The following VAT1L variants were observed in gnomAD, a reference collection of about 807,000 sequenced individuals.
VAT1L encodes putative NADPH-dependent quinone oxidoreductase VAT1L.
A neutral mutation model predicts 44.1 loss-of-function variants in VAT1L; 34 were observed. The observed-to-expected ratio is 0.77, with a 90% CI of 0.59 to 1.03. The LOEUF is 1.03. VAT1L is among the 50% of genes least tolerant of loss of function. VAT1L has a pLI of 0.00. For synonymous variants in VAT1L, 253 were observed against 202.2 expected (o/e 1.25, Z -2.13); for missense variants, 615 against 538.8 (o/e 1.14, Z -1.40).
intron 4 of VAT1L, among the ~76,000 whole-genome samples, chr16:77,870,107 C>T (rs2017015301): frequency 1.3e-5 from 2 of 152,206 alleles, no homozygotes; most frequent in Non-Finnish European, 2.9e-5. Flanking sequence ...ACCAAGAAGC[C>T]TACCACACAT....
chr16:77,974,738 T>A (rs1036536950), intron 8 of VAT1L, among the ~76,000 whole-genome samples: 4 of 152,064 alleles, frequency 2.6e-5, no homozygotes, highest in African/African-American at 9.7e-5. Context: ...AATTTTTTTT[T>A]TATTATTTTT....
rs550164926 is a variant in VAT1L, at chr16:77,920,154, C to G, written c.1077+35352C>G. ...TCCAGAAGGAAAAGCAAAGTGATTG[C>G]TGTAAGGATTGCACAGAGCTGCCAA... is the stretch of plus-strand genomic sequence containing the variant. On this transcript the variant is annotated intron_variant, in intron 7 of 8. Coordinates refer to ENST00000302536, the MANE Select transcript of VAT1L (RefSeq NM_020927.3). 2.0e-5 allele frequency among the ~76,000 whole-genome samples: 3 copies of G among 152,314 alleles called. No homozygotes were observed. The East Asian group carries it at 5.8e-4, about 29-fold the overall frequency.
chr16:77,920,151 T>A (rs1034036142), intron 7 of VAT1L, among the ~76,000 whole-genome samples: 1 of 152,156 alleles, frequency 6.6e-6, no homozygotes, highest in African/African-American at 2.4e-5. Flanking sequence ...AGCAAAGTGA[T>A]TGCTGTAAGG....
chr16:77,876,345 T>G, intron 4 of VAT1L, 25 bp from the exon 5 acceptor site: 1 of 1,605,814 alleles, frequency 6.2e-7, no homozygotes, highest in Admixed American at 1.7e-5. Flanking sequence ...GTCACAGAAT[T>G]TTGCTTTGCC....
Position 77,979,308 on chromosome 16 carries a change from G to T in VAT1L, c.*1613G>T, listed in dbSNP as rs2018374388. The stretch of plus-strand genomic sequence containing the variant: ...AGGGTGCTTTCATCTGAGGAACCAA[G>T]GGGTGAGAGTATCCCAAAGGAGGAC... On this transcript the variant is annotated 3_prime_UTR_variant, in exon 9 of 9. Coordinates refer to ENST00000302536, the MANE Select transcript of VAT1L (RefSeq NM_020927.3). 1.3e-5 allele frequency: 2 copies of T among 152,496 alleles called. No individual in the cohort carries two copies. Among genetic ancestry groups the T allele is most frequent in the Middle Eastern group, 3.4e-3 (1 of 294 alleles). The allele number at this position is 152,496 out of a possible 1,614,324, so 9.4% of individuals were successfully genotyped here.
chr16:77,912,394 T>C (rs1567506410), intron 7 of VAT1L, among the ~76,000 whole-genome samples: 1 of 151,734 alleles, frequency 6.6e-6, no homozygotes, highest in South Asian at 2.1e-4. Context: ...TTAATAATGG[T>C]TGAGGCTGAG....
intron 3 of VAT1L, among the ~76,000 whole-genome samples, chr16:77,849,466 G>A (rs529102645): frequency 2.0e-5 from 3 of 152,308 alleles, no homozygotes; most frequent in East Asian, 3.9e-4. Context: ...ACTGATGACA[G>A]CAGTGGTCCT....
At chr16:77,961,322 T>C (rs182262065) in intron 7 of VAT1L, among the ~76,000 whole-genome samples, 8 of 152,226 alleles carry the variant, frequency 5.3e-5, no homozygotes, top group Admixed American at 5.2e-4. Flanking sequence ...CAACCCTCTC[T>C]AAATCACCAT....
chr16:77,903,270 C>T (rs1298148961), intron 7 of VAT1L, among the ~76,000 whole-genome samples: 1 of 152,060 alleles, frequency 6.6e-6, no homozygotes. Flanking sequence ...ATATGATATT[C>T]CCCCCGCTAT....
chr16:77,802,130 C>G (rs1033754649), intron 1 of VAT1L, among the ~76,000 whole-genome samples: 1 of 152,232 alleles, frequency 6.6e-6, no homozygotes, highest in African/African-American at 2.4e-5. Context: ...GCCTCAGCAT[C>G]TCTGTCCTCA....
intron 7 of VAT1L, among the ~76,000 whole-genome samples, chr16:77,968,435 AAG>A (rs771346720): frequency 6.6e-6 from 1 of 152,236 alleles, no homozygotes; most frequent in South Asian, 2.1e-4. Flanking sequence ...AGAATAAAAA[AAG>A]AGCATGGGCT....
At chr16:77,793,890 T>A (rs2015880991) in intron 1 of VAT1L, among the ~76,000 whole-genome samples, 1 of 152,224 alleles carries the variant, frequency 6.6e-6, no homozygotes, top group South Asian at 2.1e-4. Flanking sequence ...GATCAGTGGT[T>A]ATGAGCCAGG....
intron 4 of VAT1L, among the ~76,000 whole-genome samples, chr16:77,871,772 C>A (rs72793009): frequency 1.3e-5 from 2 of 152,032 alleles, no homozygotes; most frequent in African/African-American, 4.8e-5. Context: ...TCTTAGCATT[C>A]TACTTGGGAC....
intron 3 of VAT1L, among the ~76,000 whole-genome samples, chr16:77,844,845 C>A (rs11645362): frequency 0.042 from 6,018 of 144,258 alleles, 126 homozygotes; most frequent in South Asian, 0.06. Flanking sequence ...ACGATAAATA[C>A]GTGTGTGTGC....
intron 7 of VAT1L, among the ~76,000 whole-genome samples, chr16:77,930,231 C>T (rs1365648500): frequency 2.0e-5 from 3 of 152,262 alleles, no homozygotes; most frequent in African/African-American, 4.8e-5. Flanking sequence ...CCACTGAATT[C>T]GACCCCTAGC....
At chr16:77,915,427 G>A (rs186576704) in intron 7 of VAT1L, among the ~76,000 whole-genome samples, 17 of 152,314 alleles carry the variant, frequency 1.1e-4, no homozygotes, top group Admixed American at 9.8e-4. Context: ...GATGTTTAGA[G>A]TCCATCTGGG....
chr16:77,844,786 A>C (rs976971478), intron 3 of VAT1L, among the ~76,000 whole-genome samples: 7 of 152,112 alleles, frequency 4.6e-5, no homozygotes. Flanking sequence ...TCACACAAGG[A>C]TACTGGGGAT....
intron 7 of VAT1L, among the ~76,000 whole-genome samples, chr16:77,916,308 C>A (rs977557900): frequency 3.3e-5 from 5 of 152,120 alleles, no homozygotes; most frequent in Non-Finnish European, 7.3e-5. Flanking sequence ...CCTGCAACAG[C>A]GTCCTTACAA....
chr16:77,966,366 C>T (rs2018222456), intron 7 of VAT1L, among the ~76,000 whole-genome samples: 1 of 152,082 alleles, frequency 6.6e-6, no homozygotes. Context: ...AGGGCAAATA[C>T]TTAGAAGAGC....
Sources: allele counts gnomAD v4.1 joint callset (sites outside exome capture counted in the v4.1 genomes callset), GRCh38; gene constraint gnomAD v4.1.1; transcripts MANE v1.5; gene names NCBI Gene and HGNC (gene_info 2026-07-23, HGNC 2026-07-21).